Variants in KHDRBS2 observed in about 807,000 individuals in gnomAD.
KHDRBS2 encodes the protein KH domain-containing, RNA-binding, signal transduction-associated protein 2.
KHDRBS2 carries 26 observed loss-of-function variants against 44.3 expected under a neutral mutation model. That is an observed-to-expected ratio of 0.59 (90% CI 0.43 to 0.81). The LOEUF is 0.81. Among genes scored for constraint, KHDRBS2 ranks in the 40% least tolerant of loss-of-function variants. The pLI is 0.00. For missense variants in KHDRBS2, 476 were observed against 433.1 expected (o/e 1.10, Z -0.88); for synonymous variants, 194 against 151.1 (o/e 1.28, Z -2.08).
chr6:62,053,733 A>T (rs967804125), intron 2 of KHDRBS2, among the ~76,000 whole-genome samples: 1 of 151,926 alleles, frequency 6.6e-6, no homozygotes, highest in Non-Finnish European at 1.5e-5. Context: ...TTCAGCACCA[A>T]CGACTCAAAC....
chr6:62,148,028 T>A (rs569826730), intron 2 of KHDRBS2, among the ~76,000 whole-genome samples: 1 of 152,134 alleles, frequency 6.6e-6, no homozygotes, highest in Non-Finnish European at 1.5e-5. Flanking sequence ...ATAAATATTA[T>A]TCATGGCAAA....
intron 6 of KHDRBS2, among the ~76,000 whole-genome samples, chr6:61,835,720 T>TGCGTGTGTGTGTGTGTGTGTGC (rs1792561827): frequency 6.6e-6 from 1 of 151,300 alleles, no homozygotes; most frequent in East Asian, 1.9e-4. Flanking sequence ...CGTGTGTGTG[T>TGCGTGTGTGTGTGTGTGTGTGC]GTGTGTGTGT....
chr6:62,196,556 G>T (rs551246949), intron 1 of KHDRBS2, among the ~76,000 whole-genome samples: 15 of 150,332 alleles, frequency 1.0e-4, no homozygotes, highest in Middle Eastern at 3.4e-3. Context: ...TAGGTCTGAG[G>T]TATGTACATC....
At chr6:62,052,477 A>G (rs1484158281) in intron 2 of KHDRBS2, among the ~76,000 whole-genome samples, 2 of 151,658 alleles carry the variant, frequency 1.3e-5, no homozygotes, top group African/African-American at 4.8e-5. Flanking sequence ...AAGGAAACGT[A>G]AGTCAGAGGA....
At chr6:61,616,079 A>T in the KHDRBS2 span, among the ~76,000 whole-genome samples, 47 of 152,204 alleles carry the variant, frequency 3.1e-4, no homozygotes, top group Non-Finnish European at 7.3e-5. Context: ...ATAGTTCTGT[A>T]TCAAAATGGC....
At chr6:61,908,683 G>A (rs1298129146) in intron 4 of KHDRBS2, among the ~76,000 whole-genome samples, 1 of 150,880 alleles carries the variant, frequency 6.6e-6, no homozygotes, top group African/African-American at 2.4e-5. Flanking sequence ...ATTGACATAT[G>A]TATTCCATTT....
At chr6:61,884,788 C>T (rs1209126071) in intron 6 of KHDRBS2, among the ~76,000 whole-genome samples, 1 of 151,966 alleles carries the variant, frequency 6.6e-6, no homozygotes, top group African/African-American at 2.4e-5. Flanking sequence ...CTTTTAGTAC[C>T]AGCAAGAAAC....
chr6:61,688,512 C>A (rs1053611252), intron 8 of KHDRBS2, among the ~76,000 whole-genome samples: 1 of 151,846 alleles, frequency 6.6e-6, no homozygotes, highest in African/African-American at 2.4e-5. Flanking sequence ...TCAAAGAATT[C>A]CAATACTCCC....
chr6:61,712,926 A>G (rs941832985), intron 7 of KHDRBS2, among the ~76,000 whole-genome samples: 19 of 151,870 alleles, frequency 1.3e-4, no homozygotes, highest in Admixed American at 8.5e-4. Context: ...TCCAAATCCA[A>G]AAGCTATAAA....
intron 3 of KHDRBS2, among the ~76,000 whole-genome samples, chr6:62,039,454 T>A (rs1265187513): frequency 1.3e-5 from 2 of 151,918 alleles, no homozygotes; most frequent in African/African-American, 4.8e-5. Flanking sequence ...TGGTACTAAA[T>A]ATATATTAAT....
At chr6:62,221,064 C>T (rs1205566107) in intron 1 of KHDRBS2, among the ~76,000 whole-genome samples, 3 of 151,488 alleles carry the variant, frequency 2.0e-5, no homozygotes, top group Non-Finnish European at 2.9e-5. Flanking sequence ...GAAAGCAATA[C>T]GTGTCCACTG....
chr6:62,106,450 A>G (rs1437136106), intron 2 of KHDRBS2, among the ~76,000 whole-genome samples: 1 of 152,076 alleles, frequency 6.6e-6, no homozygotes, highest in Non-Finnish European at 1.5e-5. Flanking sequence ...TTCTGTTATG[A>G]ATCTGGGTGC....
the KHDRBS2 span, among the ~76,000 whole-genome samples, chr6:61,647,156 C>T: frequency 6.6e-6 from 1 of 151,986 alleles, no homozygotes; most frequent in African/African-American, 2.4e-5. Context: ...TGATCTTTAT[C>T]GTCTTTACAA....
At chr6:62,241,122 T>C (rs1178466675) in intron 1 of KHDRBS2, among the ~76,000 whole-genome samples, 1 of 152,108 alleles carries the variant, frequency 6.6e-6, no homozygotes, top group Non-Finnish European at 1.5e-5. Context: ...ATTATAAAAC[T>C]GTGCAAACCC....
chr6:61,899,996 A>G (rs927093299), intron 5 of KHDRBS2, among the ~76,000 whole-genome samples: 3 of 151,990 alleles, frequency 2.0e-5, no homozygotes, highest in Non-Finnish European at 4.4e-5. Context: ...GTATTGTATT[A>G]TGTCACATTA....
At chr6:62,255,581 T>G (rs543408006) in intron 1 of KHDRBS2, among the ~76,000 whole-genome samples, 1 of 147,072 alleles carries the variant, frequency 6.8e-6, no homozygotes, top group Non-Finnish European at 1.5e-5. Flanking sequence ...AGTGCTGTAT[T>G]TACCCTCATT....
At chr6:61,898,886 A>G (rs1803427013) in intron 5 of KHDRBS2, among the ~76,000 whole-genome samples, 1 of 151,988 alleles carries the variant, frequency 6.6e-6, no homozygotes, top group African/African-American at 2.4e-5. Context: ...ATTATGTGAA[A>G]CAATATCTAA....
chr6:61,723,189 A>G (rs1772981764), intron 7 of KHDRBS2, among the ~76,000 whole-genome samples: 1 of 152,130 alleles, frequency 6.6e-6, no homozygotes, highest in African/African-American at 2.4e-5. Context: ...ACAGAAAACA[A>G]CAATAATATC....
intron 1 of KHDRBS2, among the ~76,000 whole-genome samples, chr6:62,228,871 C>T (rs962878165): frequency 1.8e-4 from 27 of 152,214 alleles, no homozygotes; most frequent in Non-Finnish European, 3.7e-4. Flanking sequence ...AAGAGGTGTG[C>T]CGCTCCTTCC....
Sources: gnomAD v4.1 joint callset for allele counts (sites outside exome capture counted in the v4.1 genomes callset) on GRCh38, gnomAD v4.1.1 for gene constraint, MANE v1.5 for transcripts, NCBI Gene and HGNC (gene_info 2026-07-23, HGNC 2026-07-21) for gene names.